The following SDK1 variants were observed in gnomAD, a reference collection of about 807,000 sequenced individuals.
The protein encoded by SDK1 is protein sidekick-1.
In SDK1, 157 loss-of-function variants were observed where a neutral mutation model predicts 245.5. That is an observed-to-expected ratio of 0.64 (90% confidence interval 0.56 to 0.73). The LOEUF (loss-of-function observed/expected upper bound fraction) is 0.73. Among genes scored for constraint, SDK1 ranks in the 30% least tolerant of loss-of-function variants. SDK1 has a pLI of 0.00. For synonymous variants in SDK1, 1,647 were observed against 1,278.5 expected (o/e 1.29, Z -6.15); for missense variants, 3,583 against 3,002.3 (o/e 1.19, Z -4.52).
intron 4 of SDK1, among the ~76,000 whole-genome samples, chr7:3,709,219 A>G (rs918089759): frequency 6.6e-6 from 1 of 152,210 alleles, no homozygotes; most frequent in African/African-American, 2.4e-5. Context: ...GCTGGATACA[A>G]AATTCTTGGC....
intron 22 of SDK1, among the ~76,000 whole-genome samples, chr7:4,108,661 CT>C (rs1239442926): frequency 3.3e-5 from 5 of 152,168 alleles, no homozygotes; most frequent in Non-Finnish European, 7.4e-5. Flanking sequence ...TTTATTGTTT[CT>C]TTTTTTCGTT....
At chr7:4,125,269 A>G (rs1452601096) in intron 25 of SDK1, among the ~76,000 whole-genome samples, 1 of 145,802 alleles carries the variant, frequency 6.9e-6, no homozygotes, top group Non-Finnish European at 1.5e-5. Context: ...TGGGTGATGG[A>G]TGGATGGATA....
chr7:3,547,761 G>C (rs1779276471), intron 1 of SDK1, among the ~76,000 whole-genome samples: 2 of 152,126 alleles, frequency 1.3e-5, no homozygotes, highest in Non-Finnish European at 2.9e-5. Flanking sequence ...TGGAAAACTG[G>C]CTGTTAGCTA....
intron 1 of SDK1, among the ~76,000 whole-genome samples, chr7:3,310,669 C>T (rs1779528568): frequency 6.6e-6 from 1 of 152,160 alleles, no homozygotes; most frequent in African/African-American, 2.4e-5. Flanking sequence ...TTTGAGGCAT[C>T]TAGACAGAGC....
chr7:4,253,886 A>T (rs759660687), intron 44 of SDK1, among the ~76,000 whole-genome samples: 6 of 152,160 alleles, frequency 3.9e-5, no homozygotes, highest in Middle Eastern at 3.2e-3. Flanking sequence ...TATGTCTCGT[A>T]TCTTTATTCC....
chr7:3,451,470 A>C (rs566092945), intron 1 of SDK1, among the ~76,000 whole-genome samples: 76 of 152,234 alleles, frequency 5.0e-4, no homozygotes, highest in African/African-American at 1.6e-3. Context: ...GACACGGGGA[A>C]GGGAGCTGCC....
chr7:4,017,367 A>G lies in SDK1; in HGVS notation c.2602+15A>G, dbSNP rs1223511987. 6.3e-7 allele frequency: 1 copy of G among 1,594,080 alleles called. No homozygotes were observed. The highest frequency in any genetic ancestry group is 1.7e-5 in the Admixed American group (1 of 58,094). On this transcript the variant is annotated intron_variant, in intron 17 of 44. Coordinates refer to ENST00000404826, the MANE Select transcript of SDK1 (RefSeq NM_152744.4). ...CTTGCAGGGAGGTAAGCTTGTCTCC[A>G]AAACCACGAGGTGGCGGGATCTTTG...
chr7:4,237,380 T>A (rs1786236302), intron 41 of SDK1, among the ~76,000 whole-genome samples: 1 of 151,846 alleles, frequency 6.6e-6, no homozygotes, highest in Admixed American at 6.6e-5. Flanking sequence ...GGGGGCAGCT[T>A]GGAGGACAGA....
Position 3,987,207 on chromosome 7 carries a change from G to T in SDK1, c.2016G>T (p.Gln672His). The T allele has an allele frequency of 6.2e-7, 1 of 1,614,086 alleles. No individual in the cohort carries two copies. Among genetic ancestry groups the T allele is most frequent in the South Asian group, 1.1e-5 (1 of 91,068 alleles). Residue 672 changes from glutamine (Q) to histidine (H), a missense_variant, in exon 14 of 45, where the codon CAG (glutamine) becomes CAT (histidine). Physicochemically the swap from Gln to His is conservative, Grantham distance 24. Transcript: ENST00000404826. ...LEVIELPHSP[Q>H]NLLVSPNSSH... is the part of the protein sequence containing the mutation. ...CAAGTGAACTGCCTCATTCACCTCA[G>T]AACCTCCTGGTCAGCCCTAATTCTT...
At chr7:4,099,032 T>C (rs1782362034) in intron 22 of SDK1, among the ~76,000 whole-genome samples, 1 of 151,790 alleles carries the variant, frequency 6.6e-6, no homozygotes, top group South Asian at 2.1e-4. Flanking sequence ...TAATGATCTA[T>C]GGCCAGGGGA....
chr7:4,217,788 A>G (rs1423577633), intron 38 of SDK1, among the ~76,000 whole-genome samples: 10 of 152,088 alleles, frequency 6.6e-5, no homozygotes, highest in Non-Finnish European at 1.5e-4. Context: ...TGGTTTAAAA[A>G]TTGATTAAAT....
chr7:3,427,264 A>C lies in SDK1; in HGVS notation c.298+125380A>C, dbSNP rs560802049. Among the ~76,000 whole-genome samples the C allele has an allele frequency of 2.0e-5, 3 of 152,346 alleles. No individual in the cohort carries two copies. In the East Asian group the frequency reaches 5.8e-4, roughly 29 times the overall value. ...CATTAGATGAAAGGCTCACACCTGT[A>C]ATCCCACACTTTGGGAGGCCGAGAC... On this transcript the variant is annotated intron_variant, in intron 1 of 44. Transcript: ENST00000404826.
chr7:3,979,803 C>T (rs1407799327), intron 13 of SDK1, among the ~76,000 whole-genome samples: 2 of 152,200 alleles, frequency 1.3e-5, no homozygotes, highest in South Asian at 2.1e-4. Flanking sequence ...GTATTGAGCA[C>T]ACCAGAGGGA....
chr7:3,797,307 A>G (rs542154660), intron 4 of SDK1, among the ~76,000 whole-genome samples: 18 of 152,068 alleles, frequency 1.2e-4, no homozygotes, highest in Admixed American at 2.0e-4. Flanking sequence ...AAAAAGGTTC[A>G]TCTTTTCCTG....
At chr7:3,713,328 A>G (rs1410948623) in intron 4 of SDK1, among the ~76,000 whole-genome samples, 1 of 152,176 alleles carries the variant, frequency 6.6e-6, no homozygotes, top group Non-Finnish European at 1.5e-5. Context: ...TTGTCTTTCC[A>G]TGCTTACAGA....
chr7:3,680,090 A>T (rs1375215124), intron 4 of SDK1, among the ~76,000 whole-genome samples: 2 of 152,186 alleles, frequency 1.3e-5, no homozygotes, highest in African/African-American at 4.8e-5. Flanking sequence ...GCAGCATGGA[A>T]TCCTTTGCGG....
chr7:3,414,327 C>T (rs1306239766), intron 1 of SDK1, among the ~76,000 whole-genome samples: 2 of 152,032 alleles, frequency 1.3e-5, no homozygotes, highest in Non-Finnish European at 2.9e-5. Flanking sequence ...TGGCCCAGCC[C>T]ACGGAGGAGG....
intron 1 of SDK1, among the ~76,000 whole-genome samples, chr7:3,367,211 A>G (rs535058791): frequency 2.0e-5 from 3 of 151,968 alleles, no homozygotes; most frequent in South Asian, 2.1e-4. Context: ...TAAAGAATGT[A>G]TCTTTTTTAT....
At chr7:3,535,541 G>C (rs1333746340) in intron 1 of SDK1, among the ~76,000 whole-genome samples, 2 of 152,086 alleles carry the variant, frequency 1.3e-5, no homozygotes, top group African/African-American at 4.8e-5. Flanking sequence ...CCTTATGCAG[G>C]CTTCTTAACT....
Sources: allele counts gnomAD v4.1 joint callset (sites outside exome capture counted in the v4.1 genomes callset), GRCh38; gene constraint gnomAD v4.1.1; transcripts MANE v1.5; gene names NCBI Gene and HGNC (gene_info 2026-07-23, HGNC 2026-07-21).